JARID2: variants seen among roughly 807,000 people sequenced by gnomAD.
JARID2 encodes protein Jumonji.
In JARID2, 21 loss-of-function variants were observed where a neutral mutation model predicts 125.6. That is an observed-to-expected ratio of 0.17 (90% confidence interval 0.12 to 0.24). The LOEUF (loss-of-function observed/expected upper bound fraction) is 0.24, where lower values mean the gene tolerates loss of function less well. JARID2 is among the 10% of genes least tolerant of loss of function. JARID2 has a pLI of 1.00. For synonymous variants in JARID2, 736 were observed against 661.6 expected (o/e 1.11, Z -1.73); for missense variants, 1,303 against 1,639.6 (o/e 0.79, Z 3.55).
At chr6:15,311,177 C>G (rs1041446183) in intron 1 of JARID2, among the ~76,000 whole-genome samples, 1 of 152,124 alleles carries the variant, frequency 6.6e-6, no homozygotes, top group African/African-American at 2.4e-5. Context: ...TTCATATCAC[C>G]CTTGCTCCTA....
Position 15,339,124 on chromosome 6 carries a change from A to G in JARID2, c.46-34993A>G, listed in dbSNP as rs565232953. Among the ~76,000 whole-genome samples, 769 of 152,218 alleles carry G rather than the reference A, an allele frequency of 5.1e-3. 2 individuals are homozygous for G. Among genetic ancestry groups the G allele is most frequent in the Non-Finnish European group, 6.8e-3 (462 of 68,010 alleles). ...AAATGGGATCCCAGTGACGAGGTGG[A>G]AGACGGGAAGCGGAGACACTTTCAG... On this transcript the variant is annotated intron_variant, in intron 1 of 17. Transcript: ENST00000341776.
At chr6:15,307,306 C>A (rs1257571894) in intron 1 of JARID2, among the ~76,000 whole-genome samples, 1 of 152,078 alleles carries the variant, frequency 6.6e-6, no homozygotes, top group African/African-American at 2.4e-5. Flanking sequence ...ACTGCAGCCT[C>A]TGCACCCCCG....
rs182661156 is a variant in JARID2, at chr6:15,301,487, T to G, written c.45+54903T>G. Among the ~76,000 whole-genome samples the G allele has an allele frequency of 3.4e-3, 523 of 152,322 alleles. 2 individuals are homozygous for G. Among genetic ancestry groups the G allele is most frequent in the African/African-American group, 0.012 (495 of 41,548 alleles). Reference sequence around the variant, plus strand: ...CTGAGTGACTAGAAGTGGCGTTTATTTATTGACTGTGGAGGTTAACTTACA... The same window carrying G: ...CTGAGTGACTAGAAGTGGCGTTTATGTATTGACTGTGGAGGTTAACTTACA... On this transcript the variant is annotated intron_variant, in intron 1 of 17. Coordinates refer to ENST00000341776, the MANE Select transcript of JARID2 (RefSeq NM_004973.4).
intron 1 of JARID2, among the ~76,000 whole-genome samples, chr6:15,274,325 T>A (rs191770835): frequency 6.6e-4 from 101 of 152,310 alleles, no homozygotes; most frequent in Non-Finnish European, 1.2e-3. Context: ...TTTAATGTTT[T>A]TTTGTGGTTC....
intron 1 of JARID2, among the ~76,000 whole-genome samples, chr6:15,367,670 C>T (rs1764027175): frequency 6.6e-6 from 1 of 152,236 alleles, no homozygotes; most frequent in Non-Finnish European, 1.5e-5. Flanking sequence ...TTCACGATTA[C>T]TTCGTTTCCC....
At chr6:15,275,827 C>T (rs1760482673) in intron 1 of JARID2, among the ~76,000 whole-genome samples, 1 of 151,988 alleles carries the variant, frequency 6.6e-6, no homozygotes, top group Non-Finnish European at 1.5e-5. Flanking sequence ...GTCACTGCTA[C>T]AGGGAAGGTA....
intron 1 of JARID2, among the ~76,000 whole-genome samples, chr6:15,249,866 A>G (rs1387130929): frequency 6.6e-6 from 1 of 152,200 alleles, no homozygotes; most frequent in Non-Finnish European, 1.5e-5. Flanking sequence ...CCACTGCAAT[A>G]CCTTAAATAA....
At chr6:15,250,237 A>T (rs1373774414) in intron 1 of JARID2, among the ~76,000 whole-genome samples, 2 of 152,314 alleles carry the variant, frequency 1.3e-5, no homozygotes, top group Middle Eastern at 3.4e-3. Context: ...TATAAGCTTC[A>T]AAAGGATTTA....
chr6:15,409,758 T>C (rs1765799596), intron 2 of JARID2, among the ~76,000 whole-genome samples: 1 of 152,216 alleles, frequency 6.6e-6, no homozygotes, highest in Non-Finnish European at 1.5e-5. Flanking sequence ...AGTTAATATC[T>C]AAGATGTAGC....
intron 1 of JARID2, among the ~76,000 whole-genome samples, chr6:15,259,169 G>A (rs938770577): frequency 1.3e-5 from 2 of 152,166 alleles, no homozygotes; most frequent in Non-Finnish European, 2.9e-5. Flanking sequence ...GCATACTTTT[G>A]AATGAACTAC....
At chr6:15,500,760 G>C in intron 7 of JARID2, 147 bp from the exon 8 acceptor site, 2 of 692,554 alleles carry the variant, frequency 2.9e-6, no homozygotes, top group Non-Finnish European at 5.0e-6. Flanking sequence ...TCTGTGGACC[G>C]GGAGTCTGCT....
Position 15,513,067 on chromosome 6 carries a change from C to T in JARID2, c.3266+22C>T, listed in dbSNP as rs201109638. The T allele has an allele frequency of 3.0e-4, 478 of 1,613,708 alleles. 1 individual carries two copies. The African/African-American group carries it at 3.4e-3, about 12-fold the overall frequency. On this transcript the variant is annotated intron_variant, in intron 15 of 17. Transcript: ENST00000341776. ...TCAGGTAACAGACCCCCAGAGCCCA[C>T]GCCAGAGAGCTGGACCCGGCTGCCC...
intron 1 of JARID2, among the ~76,000 whole-genome samples, chr6:15,279,628 A>G (rs1760675619): frequency 6.6e-6 from 1 of 152,214 alleles, no homozygotes; most frequent in Admixed American, 6.5e-5. Flanking sequence ...TAGCTTTCCC[A>G]GCACAACTTT....
chr6:15,363,812 A>G (rs903369800), intron 1 of JARID2, among the ~76,000 whole-genome samples: 3 of 152,194 alleles, frequency 2.0e-5, no homozygotes, highest in African/African-American at 7.2e-5. Flanking sequence ...TGGTTTCTGG[A>G]GGCCCATACC....
At chr6:15,482,261 A>G (rs1275776177) in intron 5 of JARID2, among the ~76,000 whole-genome samples, 1 of 152,212 alleles carries the variant, frequency 6.6e-6, no homozygotes, top group Non-Finnish European at 1.5e-5. Flanking sequence ...GGAACAGATG[A>G]TCTGGCCCCA....
At chr6:15,374,400 C>T (rs1317971932) in intron 2 of JARID2, 148 bp downstream of exon 2, 2 of 761,166 alleles carry the variant, frequency 2.6e-6, no homozygotes, top group Admixed American at 5.2e-5. Context: ...GCACTGCAGA[C>T]ATCCTGTTGG....
At position 15,473,153 on chromosome 6, in the gene JARID2, A is replaced by T. The variant is rs373577179; in HGVS notation, c.670+4435A>T. Among the ~76,000 whole-genome samples the T allele has an allele frequency of 3.3e-5, 5 of 152,374 alleles. No individual in the cohort carries two copies. In the South Asian group the frequency reaches 1.0e-3, roughly 32 times the overall value. Reference sequence around the variant, plus strand: ...TTTATTGTGATAAGTGCTGAAACATAATCATAGAATCTTTGCCATGTTAAC... The same window carrying T: ...TTTATTGTGATAAGTGCTGAAACATTATCATAGAATCTTTGCCATGTTAAC... On this transcript the variant is annotated intron_variant, in intron 5 of 17. Coordinates refer to ENST00000341776, the MANE Select transcript of JARID2 (RefSeq NM_004973.4).
intron 1 of JARID2, among the ~76,000 whole-genome samples, chr6:15,316,326 C>T (rs1176937424): frequency 2.0e-5 from 3 of 152,068 alleles, no homozygotes; most frequent in Non-Finnish European, 2.9e-5. Context: ...CTGTCCACCT[C>T]GGCCACCCAA....
At chr6:15,451,211 AT>A (rs1767906391) in intron 3 of JARID2, among the ~76,000 whole-genome samples, 1 of 152,198 alleles carries the variant, frequency 6.6e-6, no homozygotes, top group Non-Finnish European at 1.5e-5. Context: ...ATAGAAAGGA[AT>A]TTCTACGTAA....
Sources: allele counts gnomAD v4.1 joint callset (sites outside exome capture counted in the v4.1 genomes callset), GRCh38; gene constraint gnomAD v4.1.1; transcripts MANE v1.5; gene names NCBI Gene and HGNC (gene_info 2026-07-23, HGNC 2026-07-21).